RHOH: variants seen among roughly 807,000 people sequenced by gnomAD.
The protein encoded by RHOH is rho-related GTP-binding protein RhoH.
Under a neutral mutation model 13.8 loss-of-function variants are expected in RHOH, and 6 were observed. That is an observed-to-expected ratio of 0.44 (90% CI 0.24 to 0.86). The LOEUF is 0.86. RHOH is among the 40% of genes least tolerant of loss of function. The pLI is 0.24. For synonymous variants in RHOH, 117 were observed against 103.0 expected (o/e 1.14, Z -0.82); for missense variants, 147 against 244.5 (o/e 0.60, Z 2.66).
At chr4:40,241,537 C>G (rs1729241914) in intron 1 of RHOH, among the ~76,000 whole-genome samples, 2 of 152,170 alleles carry the variant, frequency 1.3e-5, no homozygotes, top group South Asian at 4.1e-4. Flanking sequence ...ATGGCTAACT[C>G]ATTTGCAAAA....
intron 1 of RHOH, among the ~76,000 whole-genome samples, chr4:40,229,191 G>A (rs1469502262): frequency 1.3e-5 from 2 of 152,186 alleles, no homozygotes; most frequent in African/African-American, 4.8e-5. Context: ...TCCACCAGGA[G>A]GCAGGCTCTA....
upstream of RHOH, among the ~76,000 whole-genome samples, chr4:40,196,713 G>A (rs1424917001): frequency 1.1e-5 from 1 of 93,426 alleles, no homozygotes; most frequent in Non-Finnish European, 2.2e-5. Flanking sequence ...TTTTTTTTTG[G>A]TAATTTTACT....
At chr4:40,198,951 T>A (rs948005528) in intron 1 of RHOH, among the ~76,000 whole-genome samples, 1 of 152,138 alleles carries the variant, frequency 6.6e-6, no homozygotes, top group African/African-American at 2.4e-5. Context: ...CCATAAAATA[T>A]CTGAACCCAT....
intron 1 of RHOH, among the ~76,000 whole-genome samples, chr4:40,242,269 G>C (rs1325522299): frequency 2.0e-5 from 3 of 152,206 alleles, no homozygotes; most frequent in African/African-American, 7.2e-5. Flanking sequence ...TAAGTGACAG[G>C]CACTGAATAT....
intron 1 of RHOH, among the ~76,000 whole-genome samples, chr4:40,224,292 G>C (rs7677758): frequency 6.6e-6 from 1 of 152,108 alleles, no homozygotes; most frequent in East Asian, 1.9e-4. Context: ...TAACCCCTGC[G>C]TCTTAATGGA....
chr4:40,226,913 C>G (rs1258134407), intron 1 of RHOH, among the ~76,000 whole-genome samples: 3 of 152,106 alleles, frequency 2.0e-5, no homozygotes, highest in Non-Finnish European at 4.4e-5. Flanking sequence ...AATCTCAGCA[C>G]TTTGGGAGGC....
At chr4:40,198,394 CAGTT>C (rs1245125271) in intron 1 of RHOH, among the ~76,000 whole-genome samples, 2 of 152,220 alleles carry the variant, frequency 1.3e-5, no homozygotes, top group Non-Finnish European at 2.9e-5. Context: ...TCAGATTAGA[CAGTT>C]AGGGTGTGGA....
rs1729680041 is a variant in RHOH at position 40,245,093 on chromosome 4, A to T, written c.*1131A>T. 6.6e-6 allele frequency: 1 copy of T among 152,196 alleles called. No individual in the cohort carries two copies. The highest frequency in any genetic ancestry group is 2.4e-5 in the African/African-American group (1 of 41,434). The allele number at this position is 152,196 out of a possible 1,614,324, so 9.4% of individuals were successfully genotyped here. On this transcript the variant is annotated 3_prime_UTR_variant, in exon 3 of 3. Transcript: ENST00000381799. ...ATATAGCAACTGCTCAGAGAACAGAAAGTTATCAGGGGAAATACTGAATAA... is the reference window on the plus strand; with the variant it reads ...ATATAGCAACTGCTCAGAGAACAGATAGTTATCAGGGGAAATACTGAATAA...
At chr4:40,215,121 G>C (rs898140614) in intron 1 of RHOH, among the ~76,000 whole-genome samples, 1 of 152,148 alleles carries the variant, frequency 6.6e-6, no homozygotes, top group African/African-American at 2.4e-5. Flanking sequence ...ACCCGGTAAG[G>C]CTGCCCATTT....
rs1729484986 is a variant in RHOH at position 40,243,394 on chromosome 4, G to A, written c.8G>A (p.Ser3Asn). 1.3e-6 allele frequency: 2 copies of A among 1,586,188 alleles called. No homozygotes were observed. The highest frequency in any genetic ancestry group is 8.6e-7 in the Non-Finnish European group (1 of 1,164,310). The change falls in exon 3 of 3, where the codon AGT (serine) becomes AAT (asparagine). Residue 3 changes from serine (S) to asparagine (N), a missense_variant. Physicochemically the swap from Ser to Asn is conservative, Grantham distance 46. This residue lies in a region of RHOH where 80 missense variants were observed against 152.0 expected (regional missense o/e 0.53). Coordinates refer to ENST00000381799, the MANE Select transcript of RHOH (RefSeq NM_004310.5). The surrounding 1 kb of genome is among the most constrained non-coding windows in gnomAD (Gnocchi z 6.2). ML[S>N]SIKCVLVGDS... ...GGACAGCAGGCTGGGAAGATGCTGA[G>A]TTCCATCAAGTGCGTGTTGGTGGGC...
chr4:40,197,762 A>T (rs570318232), intron 1 of RHOH, among the ~76,000 whole-genome samples: 1 of 152,324 alleles, frequency 6.6e-6, no homozygotes, highest in African/African-American at 2.4e-5. Context: ...TTTTTCACCT[A>T]TTGCCAATGT....
upstream of RHOH, among the ~76,000 whole-genome samples, chr4:40,192,394 G>A (rs111979215): frequency 1.3e-5 from 2 of 152,286 alleles, no homozygotes; most frequent in African/African-American, 4.8e-5. Context: ...GGGAGGGAAA[G>A]GCATCTTACT....
intron 1 of RHOH, among the ~76,000 whole-genome samples, chr4:40,206,565 C>T (rs1261937678): frequency 7.8e-6 from 1 of 128,808 alleles, no homozygotes; most frequent in Admixed American, 7.8e-5. Context: ...TCCTCAAGCT[C>T]TACTCTTTGG....
chr4:40,215,305 G>A (rs975000781), intron 1 of RHOH, among the ~76,000 whole-genome samples: 2 of 152,322 alleles, frequency 1.3e-5, no homozygotes, highest in South Asian at 4.1e-4. Flanking sequence ...AGGTAGTAAT[G>A]CATGCCTTAA....
rs1729566155 is a variant in RHOH, at chr4:40,243,870, G to C, written c.484G>C (p.Val162Leu). The C allele has an allele frequency of 1.2e-6, 2 of 1,614,074 alleles. No individual in the cohort carries two copies. The highest frequency in any genetic ancestry group is 1.3e-5 in the African/African-American group (1 of 74,928). ...CCTTAGCAATCGGGGAGTACAGCAG[G>C]TGTTTGAGTGCGCCGTCCGAACTGC... is the stretch of plus-strand genomic sequence containing the variant. ...SALSNRGVQQVFECAVRTAVN... is the reference protein window; with the variant it reads ...SALSNRGVQQLFECAVRTAVN... The change falls in exon 3 of 3, where the codon GTG becomes CTG. Residue 162 changes from valine (V) to leucine (L), a missense_variant. Coordinates refer to ENST00000381799, the MANE Select transcript of RHOH (RefSeq NM_004310.5). This position sits in a 1 kb window ranked among gnomAD's most constrained non-coding sequence, Gnocchi z 6.2.
At chr4:40,242,258 T>G (rs924212210) in intron 1 of RHOH, among the ~76,000 whole-genome samples, 2 of 152,254 alleles carry the variant, frequency 1.3e-5, no homozygotes, top group African/African-American at 4.8e-5. Flanking sequence ...AGTCCTCTGT[T>G]TAAGTGACAG....
upstream of RHOH, chr4:40,193,006 G>A (rs1171242676): frequency 6.6e-6 from 1 of 152,384 alleles, no homozygotes; most frequent in Non-Finnish European, 1.5e-5. Context: ...GCTGTGAGAT[G>A]GGAGAATCAA....
intron 1 of RHOH, among the ~76,000 whole-genome samples, chr4:40,199,853 T>A (rs982229294): frequency 6.6e-6 from 1 of 152,196 alleles, no homozygotes; most frequent in Admixed American, 6.5e-5. Flanking sequence ...CCTTCCCCAT[T>A]CCACTCTCTA....
upstream of RHOH, among the ~76,000 whole-genome samples, chr4:40,196,556 CA>C (rs1221059074): frequency 6.6e-6 from 1 of 152,158 alleles, no homozygotes; most frequent in Non-Finnish European, 1.5e-5. Flanking sequence ...CTGTTCTTTG[CA>C]AAATATTTGA....
Sources: gnomAD v4.1 joint callset for allele counts (sites outside exome capture counted in the v4.1 genomes callset) on GRCh38, gnomAD v4.1.1 for gene constraint, gnomAD v4.1.1 regional missense constraint, Gnocchi (gnomAD v3.1) non-coding constraint, MANE v1.5 for transcripts, NCBI Gene and HGNC (gene_info 2026-07-23, HGNC 2026-07-21) for gene names.